ZNF487: variants seen among roughly 807,000 people sequenced by gnomAD.
ZNF487 encodes the protein zinc finger protein 487.
ZNF487 carries 4 observed loss-of-function variants against 3.0 expected under a neutral mutation model. The observed-to-expected ratio is 1.35, with a 90% CI of 0.66 to 3.08. The LOEUF is 3.08. Ranked by LOEUF, ZNF487 falls within the 30% of genes most tolerant of loss-of-function variation. The probability of loss-of-function intolerance (pLI) is 0.01; values close to 1 mark genes in which losing one functional copy is unlikely to be tolerated. For synonymous variants in ZNF487, 55 were observed against 34.6 expected, an observed-to-expected ratio of 1.59 and a Z score of -2.06; for missense variants, 146 against 98.7, an observed-to-expected ratio of 1.48 and a Z score of -2.03.
the ZNF487 span, among the ~76,000 whole-genome samples, chr10:43,498,274 A>ATATT: frequency 6.8e-5 from 7 of 103,072 alleles, no homozygotes; most frequent in South Asian, 6.7e-4. Flanking sequence ...ATATATATAT[A>ATATT]TTTTTTTCTT....
downstream of ZNF487, among the ~76,000 whole-genome samples, chr10:43,487,774 G>T (rs937244031): frequency 6.6e-6 from 1 of 151,584 alleles, no homozygotes; most frequent in African/African-American, 2.4e-5. Flanking sequence ...ATACTAAAAA[G>T]TAGAAATTTG....
rs996272017 is a variant in ZNF487 at position 43,481,512 on chromosome 10, A to G, written c.214A>G (p.Lys72Glu). The stretch of plus-strand genomic sequence containing the variant: ...GCAGAAAGTTGATTTTGTCAACAAT[A>G]AAACACTGACTATGGACAGAAATGG... ...HLQKVDFVNN[K>E]TLTMDRNGVL... The change falls in exon 4 of 4, where the codon AAA becomes GAA. Residue 72 changes from lysine to glutamate, a missense_variant. Transcript: ENST00000437590. 4 of 716,938 alleles carry G rather than the reference A, an allele frequency of 5.6e-6. No individual in the cohort carries two copies. The highest frequency in any genetic ancestry group is 1.0e-5 in the Non-Finnish European group (4 of 384,994). 44.4% of individuals were successfully genotyped at this position (716,938 alleles called of 1,614,324 possible).
At chr10:43,485,757 G>A (rs1588750924), downstream of ZNF487, among the ~76,000 whole-genome samples, 1 of 152,302 alleles carries the variant, frequency 6.6e-6, no homozygotes, top group East Asian at 1.9e-4. Context: ...GCCACATGTG[G>A]CTAGTGGCTA....
Position 43,481,829 on chromosome 10 carries a change from G to A in ZNF487, c.531G>A (p.Lys177=), listed in dbSNP as rs1564430239. The A allele has an allele frequency of 9.9e-6, 7 of 703,928 alleles. No individual in the cohort carries two copies. The highest frequency in any genetic ancestry group is 2.3e-4 in the Middle Eastern group (1 of 4,372). 43.6% of individuals were successfully genotyped at this position (703,928 alleles called of 1,614,324 possible). A position where few individuals can be genotyped will look rare whatever the true frequency, so the allele number is the denominator to read the frequency against. ...LFRHQYIQTL[K]QCFEYNQCGK... ...GGCATCAGTATATTCAAACTCTTAA[G>A]CAGTGTTTTGAATACAATCAGTGTG... The change falls in exon 4 of 4, where the codon AAG becomes AAA. Residue 177 remains lysine (K), a synonymous_variant. Transcript: ENST00000437590.
At chr10:43,464,921 G>T (rs1840610596) in intron 1 of ZNF487, among the ~76,000 whole-genome samples, 1 of 152,044 alleles carries the variant, frequency 6.6e-6, no homozygotes, top group Non-Finnish European at 1.5e-5. Flanking sequence ...GGGCAGAGGG[G>T]CTCCTCACTT....
At chr10:43,445,969 CAT>C (rs1839781812) in intron 1 of ZNF487, among the ~76,000 whole-genome samples, 1 of 152,166 alleles carries the variant, frequency 6.6e-6, no homozygotes, top group Admixed American at 6.6e-5. Flanking sequence ...TGACACAGCA[CAT>C]GTTTCAGAGA....
chr10:43,496,838 T>G, the ZNF487 span, among the ~76,000 whole-genome samples: 1 of 152,094 alleles, frequency 6.6e-6, no homozygotes, highest in African/African-American at 2.4e-5. Flanking sequence ...GGGTCTTTTT[T>G]TAAGACTTTT....
intron 1 of ZNF487, among the ~76,000 whole-genome samples, chr10:43,449,900 G>A (rs182418568): frequency 3.9e-5 from 6 of 152,134 alleles, no homozygotes; most frequent in African/African-American, 1.2e-4. Flanking sequence ...GGCTGGTCTC[G>A]AACTCCTGAC....
At chr10:43,471,647 G>A (rs1210467455) in intron 1 of ZNF487, among the ~76,000 whole-genome samples, 2 of 152,132 alleles carry the variant, frequency 1.3e-5, no homozygotes, top group African/African-American at 2.4e-5. Context: ...GAAAGGGGAC[G>A]GGAAGGGCAG....
chr10:43,498,767 C>G, the ZNF487 span, among the ~76,000 whole-genome samples: 1 of 151,424 alleles, frequency 6.6e-6, no homozygotes, highest in African/African-American at 2.4e-5. Flanking sequence ...ATGGAGAAAC[C>G]CTGTCTCTAC....
chr10:43,438,649 C>T (rs1056721908), intron 1 of ZNF487, among the ~76,000 whole-genome samples: 10 of 152,092 alleles, frequency 6.6e-5, no homozygotes, highest in Non-Finnish European at 1.0e-4. Context: ...GAAATGAAAG[C>T]GGGGACTCAG....
intron 1 of ZNF487, chr10:43,453,967 TTGTA>T (rs1840089375): frequency 6.6e-6 from 1 of 152,180 alleles, no homozygotes; most frequent in South Asian, 2.1e-4. Context: ...TATTTGAAAG[TTGTA>T]TGTTATGCAC....
intron 1 of ZNF487, among the ~76,000 whole-genome samples, chr10:43,460,377 T>A (rs1406516135): frequency 6.8e-6 from 1 of 147,742 alleles, no homozygotes; most frequent in East Asian, 2.0e-4. Flanking sequence ...GTTTTCTTTC[T>A]TTCTTTTTTT....
At chr10:43,502,038 T>A in the ZNF487 span, among the ~76,000 whole-genome samples, 1 of 152,194 alleles carries the variant, frequency 6.6e-6, no homozygotes, top group African/African-American at 2.4e-5. Flanking sequence ...ACTGGGTATA[T>A]ACCCAAAGGA....
chr10:43,493,656 A>T, the ZNF487 span, among the ~76,000 whole-genome samples: 1 of 142,644 alleles, frequency 7.0e-6, no homozygotes, highest in Non-Finnish European at 1.5e-5. Context: ...GTGCCACTGG[A>T]CAGCCTGGGA....
chr10:43,495,215 T>C, the ZNF487 span, among the ~76,000 whole-genome samples: 1 of 151,552 alleles, frequency 6.6e-6, no homozygotes, highest in Non-Finnish European at 1.5e-5. Context: ...TTTTTTTTTT[T>C]TTTTGCTTTG....
At chr10:43,505,444 C>G in the ZNF487 span, among the ~76,000 whole-genome samples, 1 of 150,656 alleles carries the variant, frequency 6.6e-6, no homozygotes, top group African/African-American at 2.4e-5. Flanking sequence ...ACCACCATGC[C>G]CGGCTAATTT....
the ZNF487 span, among the ~76,000 whole-genome samples, chr10:43,518,469 G>T: frequency 1.6e-3 from 245 of 152,106 alleles, 1 homozygote; most frequent in African/African-American, 5.5e-3. Context: ...CCATAAAGGG[G>T]GACACCTCTA....
intron 3 of ZNF487, among the ~76,000 whole-genome samples, chr10:43,480,041 TTCTTTTTC>T (rs1360780214): frequency 5.4e-5 from 2 of 36,958 alleles, no homozygotes; most frequent in African/African-American, 1.0e-4. Flanking sequence ...CTTTCTTTCT[TTCTTTTTC>T]TTTCTTTCTT....
Sources: allele counts gnomAD v4.1 joint callset (sites outside exome capture counted in the v4.1 genomes callset), GRCh38; gene constraint gnomAD v4.1.1; transcripts MANE v1.5; gene names NCBI Gene and HGNC (gene_info 2026-07-23, HGNC 2026-07-21).